The following FILIP1 variants were observed in gnomAD, a reference collection of about 807,000 sequenced individuals.
The protein encoded by FILIP1 is filamin-A-interacting protein 1.
FILIP1 carries 61 observed loss-of-function variants against 102.1 expected under a neutral mutation model. The observed-to-expected ratio is 0.60, with a 90% CI of 0.49 to 0.74. The LOEUF is 0.74. Ranked by LOEUF, FILIP1 falls within the 30% of genes least tolerant of loss-of-function variation. FILIP1 has a pLI of 0.00. For synonymous variants in FILIP1, 491 were observed against 526.9 expected (o/e 0.93, Z 0.93); for missense variants, 1,314 against 1,441.2 (o/e 0.91, Z 1.43).
At chr6:75,338,030 T>C (rs934701056) in intron 4 of FILIP1, among the ~76,000 whole-genome samples, 1 of 152,218 alleles carries the variant, frequency 6.6e-6, no homozygotes. Flanking sequence ...GCAGTCATAG[T>C]CCACCATTTC....
intron 1 of FILIP1, among the ~76,000 whole-genome samples, chr6:75,478,980 AATTT>A (rs1779567156): frequency 6.6e-6 from 1 of 152,112 alleles, no homozygotes; most frequent in Non-Finnish European, 1.5e-5. Context: ...TAAATGTGTC[AATTT>A]TGGCTATCAG....
intron 2 of FILIP1, among the ~76,000 whole-genome samples, chr6:75,371,775 A>G (rs994009009): frequency 2.6e-5 from 4 of 152,228 alleles, no homozygotes; most frequent in African/African-American, 9.6e-5. Context: ...ATGCAGAAGA[A>G]TTAAGTTGGA....
At chr6:75,295,790 TAGTA>T in exon 7 of FILIP1, 2 of 560,784 alleles carry the variant, frequency 3.6e-6, no homozygotes, top group Non-Finnish European at 2.7e-6. Context: ...TCACTGGAAG[TAGTA>T]AAATATTTCC....
chr6:75,421,726 G>A (rs951315592), intron 1 of FILIP1, among the ~76,000 whole-genome samples: 2 of 152,070 alleles, frequency 1.3e-5, no homozygotes, highest in African/African-American at 4.8e-5. Flanking sequence ...ATGGCTCCTG[G>A]TATTAATCTT....
chr6:75,406,079 T>G (rs188068448), intron 2 of FILIP1, among the ~76,000 whole-genome samples: 1 of 152,288 alleles, frequency 6.6e-6, no homozygotes, highest in East Asian at 1.9e-4. Flanking sequence ...TGCCCTTTAG[T>G]CCTGTCTGAC....
At chr6:75,348,294 T>A (rs1279834129) in intron 4 of FILIP1, among the ~76,000 whole-genome samples, 1 of 152,224 alleles carries the variant, frequency 6.6e-6, no homozygotes, top group Non-Finnish European at 1.5e-5. Context: ...TCAAGTTGAC[T>A]TGAAATATGG....
In FILIP1 at chr6:75,301,809, C is replaced by T. The variant is rs201897074; in HGVS notation, c.3494-5859G>A. On this transcript the variant is annotated intron_variant, in intron 6 of 6. Transcript: ENST00000393004. Reference sequence around the variant, plus strand: ...TTGGTGGTAGAAAAGAGTATGGCTCCAGTCTCATGGTTTTCAGTTCTCTCA... The same window carrying T: ...TTGGTGGTAGAAAAGAGTATGGCTCTAGTCTCATGGTTTTCAGTTCTCTCA... 5.9e-5 allele frequency among the ~76,000 whole-genome samples: 9 copies of T among 152,266 alleles called. No individual in the cohort carries two copies. The East Asian group carries it at 1.7e-3, about 29-fold the overall frequency.
At chr6:75,459,767 A>G (rs1778962150) in intron 1 of FILIP1, among the ~76,000 whole-genome samples, 1 of 152,154 alleles carries the variant, frequency 6.6e-6, no homozygotes, top group African/African-American at 2.4e-5. Flanking sequence ...TGTCAAATAT[A>G]TTTCTTGTAT....
chr6:75,308,720 T>C lies in FILIP1; in HGVS notation c.3613A>G (p.Thr1205Ala). The C allele has an allele frequency of 6.2e-7, 1 of 1,613,354 alleles. No individual in the cohort carries two copies. Among genetic ancestry groups the C allele is most frequent in the East Asian group, 2.2e-5 (1 of 44,880 alleles). Residue 1205 changes from threonine to alanine, a missense_variant, in exon 6 of 6, where the codon ACC (threonine) becomes GCC (alanine). By Grantham distance (58) the Thr-to-Ala change is moderately conservative. This residue lies in a region of FILIP1 where 816 missense variants were observed against 913.1 expected (regional missense o/e 0.89). Coordinates refer to ENST00000237172, the MANE Select transcript of FILIP1 (RefSeq NM_015687.5). The part of the protein sequence containing the change: ...IELKKSAASS[T>A]TSLGGGKG The stretch of plus-strand genomic sequence containing the variant: ...CCCTTCCCCCCTCCGAGAGAGGTGG[T>C]GCTGCTGGCTGCAGATTTCTTCAGC...
At chr6:75,435,930 T>C (rs1778004885) in intron 1 of FILIP1, among the ~76,000 whole-genome samples, 1 of 152,178 alleles carries the variant, frequency 6.6e-6, no homozygotes. Context: ...CATAGTACAG[T>C]AGATTCCAGC....
chr6:75,379,922 C>T (rs532826063), intron 2 of FILIP1, among the ~76,000 whole-genome samples: 4 of 152,236 alleles, frequency 2.6e-5, no homozygotes, highest in Middle Eastern at 3.4e-3. Flanking sequence ...CAGATCTGTT[C>T]GACTGACTTT....
At chr6:75,393,744 T>C (rs1204437599) in intron 2 of FILIP1, among the ~76,000 whole-genome samples, 1 of 152,224 alleles carries the variant, frequency 6.6e-6, no homozygotes, top group Non-Finnish European at 1.5e-5. Context: ...TTCTACTCTG[T>C]GATACTAAGC....
At chr6:75,344,816 T>C (rs928660423) in intron 4 of FILIP1, among the ~76,000 whole-genome samples, 1 of 152,224 alleles carries the variant, frequency 6.6e-6, no homozygotes, top group Non-Finnish European at 1.5e-5. Flanking sequence ...TATCTGGTAA[T>C]ATCCTGAAAA....
chr6:75,340,306 A>G lies in FILIP1; in HGVS notation c.629+13233T>C, dbSNP rs557363311. ...GCTAAATTTTCTTCTGACGCAAACC[A>G]CAACTGTTATATGGATGGTTCTCCT... On this transcript the variant is annotated intron_variant, in intron 4 of 5. Coordinates refer to ENST00000237172, the MANE Select transcript of FILIP1 (RefSeq NM_015687.5). Among the ~76,000 whole-genome samples, 1,250 of 152,242 alleles carry G rather than the reference A, an allele frequency of 8.2e-3. 13 individuals are homozygous for G. The highest frequency in any genetic ancestry group is 0.01 in the Non-Finnish European group (702 of 68,022).
chr6:75,476,458 A>G (rs1779477688), intron 1 of FILIP1, among the ~76,000 whole-genome samples: 1 of 152,188 alleles, frequency 6.6e-6, no homozygotes. Flanking sequence ...TGGTATGAAC[A>G]AAACTGAACA....
At chr6:75,382,609 G>C (rs1775942892) in intron 2 of FILIP1, among the ~76,000 whole-genome samples, 1 of 152,160 alleles carries the variant, frequency 6.6e-6, no homozygotes, top group Admixed American at 6.6e-5. Flanking sequence ...CTCAGGCACT[G>C]ATAATGGTAT....
chr6:75,389,760 C>A (rs1582433782), intron 2 of FILIP1, among the ~76,000 whole-genome samples: 11 of 152,080 alleles, frequency 7.2e-5, no homozygotes, highest in African/African-American at 2.7e-4. Context: ...ATTCTTCTCT[C>A]TTTTCTTCTT....
intron 4 of FILIP1, among the ~76,000 whole-genome samples, chr6:75,331,193 C>G (rs1236982259): frequency 6.6e-6 from 1 of 152,088 alleles, no homozygotes; most frequent in Non-Finnish European, 1.5e-5. Flanking sequence ...AAATAAATTG[C>G]TCAATACGTA....
intron 1 of FILIP1, among the ~76,000 whole-genome samples, chr6:75,459,892 T>C (rs1468044234): frequency 6.6e-6 from 1 of 152,214 alleles, no homozygotes; most frequent in African/African-American, 2.4e-5. Context: ...AATATTTACA[T>C]TAATCTCTTT....
Sources: allele counts gnomAD v4.1 joint callset (sites outside exome capture counted in the v4.1 genomes callset), GRCh38; gene constraint gnomAD v4.1.1; regional missense constraint gnomAD v4.1.1; transcripts MANE v1.5; gene names NCBI Gene and HGNC (gene_info 2026-07-23, HGNC 2026-07-21).